The following AFF1 variants were observed in gnomAD, a reference collection of about 807,000 sequenced individuals.
The protein encoded by AFF1 is AF4/FMR2 family member 1.
A neutral mutation model predicts 121.7 loss-of-function variants in AFF1; 48 were observed. The ratio of observed to expected loss-of-function variants is 0.39; its 90% CI spans 0.31 to 0.50. AFF1 has a LOEUF of 0.50. Among genes scored for constraint, AFF1 ranks in the 20% least tolerant of loss-of-function variants. The probability of loss-of-function intolerance (pLI) is 0.76; values close to 1 mark genes in which losing one functional copy is unlikely to be tolerated. For synonymous variants in AFF1, 613 were observed against 563.0 expected (o/e 1.09, Z -1.26); for missense variants, 1,523 against 1,511.7 (o/e 1.01, Z -0.12).
At position 86,985,214 on chromosome 4, in the gene AFF1, T is replaced by TAA. The variant is rs1553912863; in HGVS notation, c.38+36646_38+36647dup. Among the ~76,000 whole-genome samples the TAA allele has an allele frequency of 9.7e-3, 1,008 of 104,364 alleles. 10 individuals carry two copies. Among genetic ancestry groups the TAA allele is most frequent in the Non-Finnish European group, 0.013 (625 of 47,068 alleles). The allele number at this position is 104,364 out of a possible 152,430, so 68.5% of individuals were successfully genotyped here. On this transcript the variant is annotated intron_variant, in intron 2 of 20. Coordinates refer to ENST00000395146, the MANE Select transcript of AFF1 (RefSeq NM_001166693.3). ...ATATATATATATATATATATATATA[T>TAA]AAAATTATATTTTAGGCCGGGCAGA...
At chr4:87,025,078 G>T (rs1728393421) in intron 2 of AFF1, among the ~76,000 whole-genome samples, 1 of 152,116 alleles carries the variant, frequency 6.6e-6, no homozygotes, top group Non-Finnish European at 1.5e-5. Flanking sequence ...TCCATAGGCT[G>T]CCAGCTCTAG....
At chr4:87,119,444 G>T (rs575415976) in intron 12 of AFF1, among the ~76,000 whole-genome samples, 3 of 152,032 alleles carry the variant, frequency 2.0e-5, no homozygotes, top group Non-Finnish European at 4.4e-5. Context: ...AGTAGCGCAT[G>T]CCTGAGGTCC....
chr4:87,044,290 G>T (rs1452784398), intron 2 of AFF1, among the ~76,000 whole-genome samples: 4 of 152,094 alleles, frequency 2.6e-5, no homozygotes, highest in Admixed American at 1.3e-4. Context: ...TTAAATAGTT[G>T]TAAGTTTGTA....
intron 2 of AFF1, among the ~76,000 whole-genome samples, chr4:86,969,485 A>G (rs1722769153): frequency 6.6e-6 from 1 of 151,972 alleles, no homozygotes; most frequent in Non-Finnish European, 1.5e-5. Context: ...TCTCAAAAAC[A>G]GAACAAAACA....
intron 8 of AFF1, among the ~76,000 whole-genome samples, chr4:87,100,343 C>T (rs533992024): frequency 2.6e-5 from 4 of 152,202 alleles, no homozygotes; most frequent in Non-Finnish European, 5.9e-5. Flanking sequence ...TCCCCTACCA[C>T]GGCCTGTCCC....
intron 2 of AFF1, among the ~76,000 whole-genome samples, chr4:87,003,109 TATA>T (rs1725849346): frequency 6.6e-6 from 1 of 152,178 alleles, no homozygotes. Flanking sequence ...TTAGATGTAT[TATA>T]ATCTAGTATC....
Position 86,984,914 on chromosome 4 carries a change from C to A in AFF1, c.38+36343C>A, listed in dbSNP as rs564881508. Among the ~76,000 whole-genome samples, 4 of 151,376 alleles carry A rather than the reference C, an allele frequency of 2.6e-5. No homozygotes were observed. The South Asian group carries it at 8.3e-4, about 32-fold the overall frequency. On this transcript the variant is annotated intron_variant, in intron 2 of 20. Coordinates refer to ENST00000395146, the MANE Select transcript of AFF1 (RefSeq NM_001166693.3). The stretch of plus-strand genomic sequence containing the variant: ...TCCAGCCTGGCAGCAGAATGAGACT[C>A]CATCTAAAAAAATAAAAATAAAAAA...
chr4:87,079,677 A>G (rs1028613025), intron 4 of AFF1, among the ~76,000 whole-genome samples: 10 of 152,214 alleles, frequency 6.6e-5, no homozygotes, highest in African/African-American at 2.4e-4. Flanking sequence ...GTGTCCTTGC[A>G]TAGACAACTT....
intron 4 of AFF1, among the ~76,000 whole-genome samples, chr4:87,080,187 T>C (rs1008525043): frequency 6.6e-6 from 1 of 152,150 alleles, no homozygotes; most frequent in Admixed American, 6.5e-5. Flanking sequence ...TCGTGCCCTC[T>C]AGGAACCTAT....
chr4:87,118,896 G>A (rs1469923596), intron 12 of AFF1, among the ~76,000 whole-genome samples: 1 of 152,208 alleles, frequency 6.6e-6, no homozygotes, highest in African/African-American at 2.4e-5. Context: ...GCTGAAGCAA[G>A]AGGCTCAGGA....
chr4:86,996,587 C>G (rs374076144), intron 2 of AFF1, among the ~76,000 whole-genome samples: 11 of 150,854 alleles, frequency 7.3e-5, no homozygotes. Flanking sequence ...ACAAACACTG[C>G]GGAAGGCCGC....
At chr4:87,085,466 T>A in intron 5 of AFF1, among the ~76,000 whole-genome samples, 1 of 151,870 alleles carries the variant, frequency 6.6e-6, no homozygotes, top group Non-Finnish European at 1.5e-5. Flanking sequence ...AGTAGAGAGA[T>A]GTATATAATA....
At chr4:87,003,833 A>G (rs1028718589) in intron 2 of AFF1, among the ~76,000 whole-genome samples, 3 of 152,240 alleles carry the variant, frequency 2.0e-5, no homozygotes, top group South Asian at 2.1e-4. Flanking sequence ...AATATTTACT[A>G]TTGCAAAAGA....
intron 6 of AFF1, among the ~76,000 whole-genome samples, chr4:87,091,138 C>T (rs1309558807): frequency 1.3e-5 from 2 of 151,422 alleles, no homozygotes; most frequent in African/African-American, 4.9e-5. Context: ...GGCATGGTGG[C>T]TTATGCTTGT....
intron 2 of AFF1, among the ~76,000 whole-genome samples, chr4:87,034,024 C>T (rs908311853): frequency 3.3e-5 from 5 of 151,982 alleles, no homozygotes; most frequent in African/African-American, 7.3e-5. Context: ...CAGATGATGA[C>T]GGAACAGATG....
intron 12 of AFF1, among the ~76,000 whole-genome samples, chr4:87,115,642 G>A (rs550385681): frequency 1.8e-3 from 91 of 49,854 alleles, no homozygotes; most frequent in Non-Finnish European, 2.4e-3. Flanking sequence ...ACAGGCCCTT[G>A]CTCTGTTGCC....
chr4:87,060,134 TTAAGTAA>T lies in AFF1; in HGVS notation c.1059+12542_1059+12548del, dbSNP rs201115014. 3.8e-3 allele frequency among the ~76,000 whole-genome samples: 581 copies of T among 152,326 alleles called. 6 individuals are homozygous for T. The highest frequency in any genetic ancestry group is 0.013 in the African/African-American group (555 of 41,572). On this transcript the variant is annotated intron_variant, in intron 4 of 20. Transcript: ENST00000395146. ...CATTTCACCATTTTCTACCTAAGTA[TTAAGTAA>T]TTTTTGGCATTCCTACATTAAAAAT... is the stretch of plus-strand genomic sequence containing the variant.
chr4:87,075,155 T>G (rs1225386218), intron 4 of AFF1, among the ~76,000 whole-genome samples: 2 of 152,200 alleles, frequency 1.3e-5, no homozygotes, highest in East Asian at 3.8e-4. Context: ...CATATTAATC[T>G]TTAAAGAACT....
At position 87,079,553 on chromosome 4, in the gene AFF1, A is replaced by C. The variant is rs77621941; in HGVS notation, c.1060-4567A>C. Among the ~76,000 whole-genome samples, 4 of 152,322 alleles carry C rather than the reference A, an allele frequency of 2.6e-5. No homozygotes were observed. The East Asian group carries it at 7.7e-4, about 29-fold the overall frequency. On this transcript the variant is annotated intron_variant, in intron 4 of 20. Transcript: ENST00000395146. ...TTTAGGTTATGCATAGGACAACTGG[A>C]ATCACACACCCTCCTAAAATGCTAA... is the stretch of plus-strand genomic sequence containing the variant.
Sources: gnomAD v4.1 joint callset for allele counts (sites outside exome capture counted in the v4.1 genomes callset) on GRCh38, gnomAD v4.1.1 for gene constraint, MANE v1.5 for transcripts, NCBI Gene and HGNC (gene_info 2026-07-23, HGNC 2026-07-21) for gene names.